Variants in POFUT2 observed in about 807,000 individuals in gnomAD.
POFUT2 encodes the protein GDP-fucose protein O-fucosyltransferase 2.
POFUT2 carries 30 observed loss-of-function variants against 55.0 expected under a neutral mutation model. The ratio of observed to expected loss-of-function variants is 0.55; its 90% CI spans 0.41 to 0.74. The LOEUF (loss-of-function observed/expected upper bound fraction) is 0.74, where lower values mean the gene tolerates loss of function less well. POFUT2 is among the 30% of genes least tolerant of loss of function. POFUT2 has a pLI of 0.00. For synonymous variants in POFUT2, 267 were observed against 231.1 expected (o/e 1.16, Z -1.41); for missense variants, 524 against 562.6 (o/e 0.93, Z 0.69).
rs1381151920 is a variant in POFUT2, at chr21:45,277,104, C to G, written c.744G>C (p.Glu248Asp). The change falls in exon 6 of 9, where the codon GAG (glutamate) becomes GAC (aspartate). Residue 248 changes from glutamate (E) to aspartate (D), a missense_variant. This residue lies in a region of POFUT2 where 250 missense variants were observed against 318.2 expected (regional missense o/e 0.79). Transcript: ENST00000349485. The surrounding 1 kb of genome is among the most constrained non-coding windows in gnomAD (Gnocchi z 6.9). ...GTCTGCTCCTGAACTCGTCTCCCAC[C>G]TCCCGCAGGTGCCTGGCAAACACCA... ...RSMVFARHLR[E>D]VGDEFRSRHL... 4.3e-6 allele frequency: 7 copies of G among 1,614,058 alleles called. No individual in the cohort carries two copies. Among genetic ancestry groups the G allele is most frequent in the Non-Finnish European group, 5.1e-6 (6 of 1,179,994 alleles).
Position 45,277,352 on chromosome 21 carries a change from C to T in POFUT2, c.706-210G>A, listed in dbSNP as rs1467630141. 1 of 606,702 alleles carries T rather than the reference C, an allele frequency of 1.6e-6. No homozygotes were observed. Among genetic ancestry groups the T allele is most frequent in the Non-Finnish European group, 2.8e-6 (1 of 360,004 alleles). The allele number at this position is 606,702 out of a possible 1,614,324, so 37.6% of individuals were successfully genotyped here. ...TGAAGCCAACGCAGGGCAAGCCGCC[C>T]ACCCCTGCCGGCTCTGCCAGCCCCT... is the stretch of plus-strand genomic sequence containing the variant. On this transcript the variant is annotated intron_variant, in intron 5 of 8. Coordinates refer to ENST00000349485, the MANE Select transcript of POFUT2 (RefSeq NM_133635.6). The surrounding 1 kb of genome is among the most constrained non-coding windows in gnomAD (Gnocchi z 6.9).
In POFUT2 at chr21:45,265,339, G is replaced by C. The variant is rs1488409853; in HGVS notation, c.*143C>G. On this transcript the variant is annotated 3_prime_UTR_variant, in exon 9 of 9. Transcript: ENST00000349485. This position sits in a 1 kb window ranked among gnomAD's most constrained non-coding sequence, Gnocchi z 4.6. ...GACGGAGCCCAGCTCTAGAGGCGTG[G>C]GGCCTCTTCTGGGCCTGGGACCCTG... 4.6e-6 allele frequency: 3 copies of C among 657,062 alleles called. No homozygotes were observed. The highest frequency in any genetic ancestry group is 7.5e-6 in the Non-Finnish European group (3 of 399,658). The allele number at this position is 657,062 out of a possible 1,614,324, so 40.7% of individuals were successfully genotyped here.
At position 45,267,196 on chromosome 21, in the gene POFUT2, G is replaced by A; in HGVS notation, c.1136+394C>T. ...CGAGGGCCCACGCTCCCGGCCTCGG[G>A]GACGCTCACGGATGCTCAACAACAC... On this transcript the variant is annotated intron_variant, in intron 8 of 8. Coordinates refer to ENST00000349485, the MANE Select transcript of POFUT2 (RefSeq NM_133635.6). This position sits in a 1 kb window ranked among gnomAD's most constrained non-coding sequence, Gnocchi z 4.4. 1 of 1,373,396 alleles carries A rather than the reference G, an allele frequency of 7.3e-7. No individual in the cohort carries two copies. The highest frequency in any genetic ancestry group is 9.4e-7 in the Non-Finnish European group (1 of 1,062,310). The allele number at this position is 1,373,396 out of a possible 1,614,324, so 85.1% of individuals were successfully genotyped here.
Position 45,264,944 on chromosome 21 carries a change from G to A in POFUT2, c.*538C>T, listed in dbSNP as rs2093140636. The A allele has an allele frequency of 6.5e-6, 1 of 152,734 alleles. No homozygotes were observed. Among genetic ancestry groups the A allele is most frequent in the Non-Finnish European group, 1.5e-5 (1 of 68,422 alleles). 9.5% of individuals were successfully genotyped at this position (152,734 alleles called of 1,614,324 possible). On this transcript the variant is annotated 3_prime_UTR_variant, in exon 9 of 9. Coordinates refer to ENST00000349485, the MANE Select transcript of POFUT2 (RefSeq NM_133635.6). ...CAGGTCTGCCTTGCACGCATCCCAG[G>A]AGGAAACACACAGGCAGCCTCCTGC... is the stretch of plus-strand genomic sequence containing the variant.
intron 6 of POFUT2, among the ~76,000 whole-genome samples, chr21:45,276,168 G>A (rs2093261584): frequency 2.6e-5 from 4 of 151,552 alleles, no homozygotes; most frequent in Admixed American, 2.0e-4. Flanking sequence ...CGGCCTGGGC[G>A]ACAGAGTGAG....
At position 45,266,183 on chromosome 21, in the gene POFUT2, G is replaced by A. The variant is rs747082635; in HGVS notation, c.1137-548C>T. ...GGTCAGCGGCCTGCCCGTTCCTCCG[G>A]CTCCTGCGCAGCTGGTCTCTGGCTC... On this transcript the variant is annotated intron_variant, in intron 8 of 8. Transcript: ENST00000349485. The A allele has an allele frequency of 1.4e-5, 19 of 1,367,360 alleles. No individual in the cohort carries two copies. The South Asian group carries it at 2.0e-4, about 15-fold the overall frequency. The allele number at this position is 1,367,360 out of a possible 1,614,324, so 84.7% of individuals were successfully genotyped here.
At chr21:45,276,812 T>C (rs1312487009) in intron 6 of POFUT2, among the ~76,000 whole-genome samples, 2 of 152,100 alleles carry the variant, frequency 1.3e-5, no homozygotes, top group Admixed American at 1.3e-4. Context: ...AGTGACTCCC[T>C]GAGTCTGCAC....
In POFUT2 at chr21:45,267,069, C is replaced by T. The variant is rs1249781869; in HGVS notation, c.1136+521G>A. ...ATGATCACACGAGGGCCCACGCTCC[C>T]GGCCTCGGGGACGCTCACGGCAGCC... On this transcript the variant is annotated intron_variant, in intron 8 of 8. Coordinates refer to ENST00000349485, the MANE Select transcript of POFUT2 (RefSeq NM_133635.6). This position sits in a 1 kb window ranked among gnomAD's most constrained non-coding sequence, Gnocchi z 4.4. 9 of 1,111,990 alleles carry T rather than the reference C, an allele frequency of 8.1e-6. No individual in the cohort carries two copies. The highest frequency in any genetic ancestry group is 9.9e-6 in the Non-Finnish European group (9 of 906,102). 68.9% of individuals were successfully genotyped at this position (1,111,990 alleles called of 1,614,324 possible).
At chr21:45,283,317 G>C in intron 3 of POFUT2, 66 bp downstream of exon 3, 1 of 822,976 alleles carries the variant, frequency 1.2e-6, no homozygotes, top group South Asian at 1.8e-5. Context: ...GCGGGGGGGG[G>C]GGGACGCATG....
intron 8 of POFUT2, chr21:45,266,674 C>A: frequency 1.0e-6 from 1 of 1,001,024 alleles, no homozygotes; most frequent in Non-Finnish European, 1.2e-6. Flanking sequence ...ACCCAGCAGA[C>A]AGCATCACCC....
At chr21:45,266,626 C>A in intron 8 of POFUT2, 1 of 1,010,604 alleles carries the variant, frequency 9.9e-7, no homozygotes, top group South Asian at 4.0e-5. Flanking sequence ...AAGAAGTCAG[C>A]GCTGCATCCT....
Position 45,277,251 on chromosome 21 carries a change from C to T in POFUT2, c.706-109G>A, listed in dbSNP as rs2029902341. On this transcript the variant is annotated intron_variant, in intron 5 of 8. Transcript: ENST00000349485. This position sits in a 1 kb window ranked among gnomAD's most constrained non-coding sequence, Gnocchi z 6.9. ...CACCCACCCCCGCAGCTGGAACAAG[C>T]CCCTCAGACACGTCATCCACGGTCG... 2.1e-6 allele frequency: 3 copies of T among 1,416,002 alleles called. No individual in the cohort carries two copies. Among genetic ancestry groups the T allele is most frequent in the African/African-American group, 2.8e-5 (2 of 70,786 alleles). The allele number at this position is 1,416,002 out of a possible 1,614,324, so 87.7% of individuals were successfully genotyped here.
In POFUT2 at chr21:45,283,524, G is replaced by A. The variant is rs1454076292; in HGVS notation, c.386C>T (p.Ser129Phe). The A allele has an allele frequency of 2.5e-6, 4 of 1,613,362 alleles. No homozygotes were observed. The highest frequency in any genetic ancestry group is 3.4e-6 in the Non-Finnish European group (4 of 1,179,750). Residue 129 changes from serine to phenylalanine, a missense_variant, in exon 3 of 9, where the codon TCT becomes TTT. By Grantham distance (155) the Ser-to-Phe change is radical. Coordinates refer to ENST00000349485, the MANE Select transcript of POFUT2 (RefSeq NM_133635.6). ...AACCTGGTCAATAAAGGGCCCACCA[G>A]ATTCTGAAAGACACCAAGAAAAGCC... ...VIEYEQFIAE[S>F]GGPFIDQVYV...
chr21:45,287,654 GCCCCTGACCCCGCCCCGC>G, intron 1 of POFUT2, 69 bp downstream of exon 1: 2 of 1,045,318 alleles, frequency 1.9e-6, no homozygotes, highest in Non-Finnish European at 2.5e-6. Context: ...CATCTCCCTG[GCCCCTGACCCCGCCCCGC>G]CCCCATCCCA....
Position 45,264,231 on chromosome 21 carries a change from T to TGTCA in POFUT2, c.*1247_*1250dup. ...CTGTCCCTCCTAACTGTCCTCTCTC[T>TGTCA]GTCACAGGTGTCCATGTCACTGTTC... On this transcript the variant is annotated 3_prime_UTR_variant, in exon 9 of 9. Transcript: ENST00000349485. The TGTCA allele has an allele frequency of 6.6e-6, 1 of 152,288 alleles. No homozygotes were observed. 9.4% of individuals were successfully genotyped at this position (152,288 alleles called of 1,614,324 possible).
intron 6 of POFUT2, among the ~76,000 whole-genome samples, chr21:45,273,159 A>G (rs1427780850): frequency 6.6e-6 from 1 of 152,230 alleles, no homozygotes; most frequent in East Asian, 1.9e-4. Context: ...ATTAATGAAG[A>G]AGAGAGAAGA....
chr21:45,274,786 C>A lies in POFUT2; in HGVS notation c.831+2231G>T, dbSNP rs4352300. Among the ~76,000 whole-genome samples the A allele has an allele frequency of 8.4e-3, 1,275 of 152,242 alleles. 11 individuals carry two copies. The highest frequency in any genetic ancestry group is 0.014 in the Non-Finnish European group (948 of 67,988). ...GAAGAATGAAACTGGATCATCAACT[C>A]AAGGTGGATTAAAGACTTAAATCTA... On this transcript the variant is annotated intron_variant, in intron 6 of 8. Coordinates refer to ENST00000349485, the MANE Select transcript of POFUT2 (RefSeq NM_133635.6).
At position 45,277,125 on chromosome 21, in the gene POFUT2, C is replaced by T. The variant is rs1442625562; in HGVS notation, c.723G>A (p.Val241=). Residue 241 remains valine (V), a synonymous_variant, in exon 6 of 9, where the codon GTG becomes GTA. Coordinates refer to ENST00000349485, the MANE Select transcript of POFUT2 (RefSeq NM_133635.6). This position sits in a 1 kb window ranked among gnomAD's most constrained non-coding sequence, Gnocchi z 6.9. ...KEYWDTRRSM[V]FARHLREVGD... is the part of the protein sequence containing the mutation. ...CCACCTCCCGCAGGTGCCTGGCAAACACCATGCTGCGACGGGTCTGTGGAA... is the reference window on the plus strand; with the variant it reads ...CCACCTCCCGCAGGTGCCTGGCAAATACCATGCTGCGACGGGTCTGTGGAA... 2 of 1,613,754 alleles carry T rather than the reference C, an allele frequency of 1.2e-6. No homozygotes were observed. Among genetic ancestry groups the T allele is most frequent in the African/African-American group, 1.3e-5 (1 of 75,070 alleles).
At chr21:45,266,852 C>T (rs2093159685) in intron 8 of POFUT2, 3 of 1,006,326 alleles carry the variant, frequency 3.0e-6, no homozygotes, top group African/African-American at 1.7e-5. Flanking sequence ...AAGATCATTC[C>T]CTCTACTTTC....
Sources: gnomAD v4.1 joint callset for allele counts (sites outside exome capture counted in the v4.1 genomes callset) on GRCh38, gnomAD v4.1.1 for gene constraint, gnomAD v4.1.1 regional missense constraint, Gnocchi (gnomAD v3.1) non-coding constraint, MANE v1.5 for transcripts, NCBI Gene and HGNC (gene_info 2026-07-23, HGNC 2026-07-21) for gene names.